The following LRRC61 variants were observed in gnomAD, a reference collection of about 807,000 sequenced individuals.
The protein encoded by LRRC61 is leucine rich repeat containing 61, also known as leucine-rich repeat-containing protein 61.
LRRC61 carries 9 observed loss-of-function variants against 15.1 expected under a neutral mutation model. That is an observed-to-expected ratio of 0.60 (90% CI 0.36 to 1.04). The LOEUF (loss-of-function observed/expected upper bound fraction) is 1.04, where lower values mean the gene tolerates loss of function less well. Among genes scored for constraint, LRRC61 ranks in the 50% least tolerant of loss-of-function variants. The pLI is 0.01. For missense variants in LRRC61, 344 were observed against 335.6 expected (o/e 1.03, Z -0.20); for synonymous variants, 173 against 158.6 (o/e 1.09, Z -0.68).
rs1302420325 is a variant in LRRC61, at chr7:150,333,810, A to G, written c.-144-2908A>G. The G allele has an allele frequency of 8.1e-6, 6 of 741,896 alleles. No homozygotes were observed. Among genetic ancestry groups the G allele is most frequent in the Non-Finnish European group, 9.9e-6 (6 of 608,156 alleles). 46.0% of individuals were successfully genotyped at this position (741,896 alleles called of 1,614,324 possible). A position where few individuals can be genotyped will look rare whatever the true frequency, so the allele number is the denominator to read the frequency against. Reference sequence around the variant, plus strand: ...TGTGTCTGCGGGCAGCCTGATGGTTAGTTGGGTCTGCACAGGTGGGCGCCG... The same window carrying G: ...TGTGTCTGCGGGCAGCCTGATGGTTGGTTGGGTCTGCACAGGTGGGCGCCG... On this transcript the variant is annotated intron_variant, in intron 2 of 2. Transcript: ENST00000359623. This position sits in a 1 kb window ranked among gnomAD's most constrained non-coding sequence, Gnocchi z 4.3.
chr7:150,317,987 G>A, the LRRC61 span, among the ~76,000 whole-genome samples: 1 of 152,184 alleles, frequency 6.6e-6, no homozygotes, highest in African/African-American at 2.4e-5. Context: ...ATAGGACAGG[G>A]CTTGTTTTAG....
chr7:150,322,619 C>A (rs930799381), upstream of LRRC61: 3 of 152,256 alleles, frequency 2.0e-5, no homozygotes, highest in Non-Finnish European at 2.9e-5. Context: ...AATAATTCAA[C>A]CCTTGTTTAG....
rs766420266 is a variant in LRRC61, at chr7:150,337,432, C to T, written c.571C>T (p.Pro191Ser). 6.2e-7 allele frequency: 1 copy of T among 1,604,888 alleles called. No homozygotes were observed. The highest frequency in any genetic ancestry group is 8.5e-7 in the Non-Finnish European group (1 of 1,179,902). ...SSLRPSSSPG[P>S]RATEAQPWVE... Reference sequence around the variant, plus strand: ...CTTGCGTCCCAGCTCCAGTCCAGGCCCCAGAGCCACCGAGGCCCAGCCCTG... The same window carrying T: ...CTTGCGTCCCAGCTCCAGTCCAGGCTCCAGAGCCACCGAGGCCCAGCCCTG... Residue 191 changes from proline (P) to serine (S), a missense_variant, in exon 3 of 3, where the codon CCC becomes TCC. Physicochemically the swap from Pro to Ser is moderately conservative, Grantham distance 74 (BLOSUM62 -1). Coordinates refer to ENST00000359623, the MANE Select transcript of LRRC61 (RefSeq NM_001142928.2).
At chr7:150,309,630 G>C in the LRRC61 span, among the ~76,000 whole-genome samples, 1 of 152,178 alleles carries the variant, frequency 6.6e-6, no homozygotes, top group Non-Finnish European at 1.5e-5. Context: ...TGATTCAAGT[G>C]CCGCAAAACT....
At position 150,338,053 on chromosome 7, in the gene LRRC61, A is replaced by C; in HGVS notation, c.*412A>C. 7.0e-6 allele frequency: 3 copies of C among 426,250 alleles called. No individual in the cohort carries two copies. The highest frequency in any genetic ancestry group is 1.3e-5 in the Non-Finnish European group (3 of 225,438). 26.4% of individuals were successfully genotyped at this position (426,250 alleles called of 1,614,324 possible). ...TGGAAGTGGGACTCCCCTGCCTTGC[A>C]AATGTGCCTCTCCAGACTGCTCCTG... On this transcript the variant is annotated 3_prime_UTR_variant, in exon 3 of 3. Transcript: ENST00000359623.
At chr7:150,320,255 G>A (rs1303314499), upstream of LRRC61, among the ~76,000 whole-genome samples, 1 of 152,208 alleles carries the variant, frequency 6.6e-6, no homozygotes, top group Non-Finnish European at 1.5e-5. Flanking sequence ...TTAGAGTAGG[G>A]TATCCTCAGG....
At chr7:150,310,965 T>C in the LRRC61 span, among the ~76,000 whole-genome samples, 5,549 of 152,232 alleles carry the variant, frequency 0.036, 329 homozygotes, top group African/African-American at 0.13. Flanking sequence ...TCAACATACA[T>C]GCGCTCTTCC....
intron 2 of LRRC61, chr7:150,332,214 G>A (rs1267543815): frequency 6.0e-6 from 1 of 167,146 alleles, no homozygotes; most frequent in South Asian, 2.1e-4. Flanking sequence ...GTTCCTTTAG[G>A]GCAGAGCTGA....
At chr7:150,314,264 C>A in the LRRC61 span, among the ~76,000 whole-genome samples, 1 of 152,196 alleles carries the variant, frequency 6.6e-6, no homozygotes, top group Non-Finnish European at 1.5e-5. Flanking sequence ...CAGCCTTGTT[C>A]CTGGATTTAA....
chr7:150,310,632 C>T, the LRRC61 span, among the ~76,000 whole-genome samples: 25 of 152,198 alleles, frequency 1.6e-4, no homozygotes, highest in African/African-American at 4.6e-4. Context: ...TTGCATCCCT[C>T]CTCCCAACCT....
rs549907418 is a variant in LRRC61, at chr7:150,330,609, G to A, written c.-145+4599G>A. ...TCAGCTCAACAAGCTCTTCTACCGC[G>A]AGGAGTTTGTGCTGGCCACCTTGCT... On this transcript the variant is annotated intron_variant, in intron 2 of 2. Coordinates refer to ENST00000359623, the MANE Select transcript of LRRC61 (RefSeq NM_001142928.2). The surrounding 1 kb of genome is among the most constrained non-coding windows in gnomAD (Gnocchi z 4.6). 68 of 827,194 alleles carry A rather than the reference G, an allele frequency of 8.2e-5. No homozygotes were observed. Among genetic ancestry groups the A allele is most frequent in the Middle Eastern group, 6.6e-4 (3 of 4,522 alleles). The allele number at this position is 827,194 out of a possible 1,614,324, so 51.2% of individuals were successfully genotyped here.
chr7:150,318,052 C>T, the LRRC61 span, among the ~76,000 whole-genome samples: 1,057 of 152,100 alleles, frequency 6.9e-3, 13 homozygotes, highest in African/African-American at 0.024. Flanking sequence ...GGGATGATGT[C>T]GGGAAGTAGG....
In LRRC61 at chr7:150,338,119, G is replaced by T; in HGVS notation, c.*478G>T. On this transcript the variant is annotated 3_prime_UTR_variant, in exon 3 of 3. Coordinates refer to ENST00000359623, the MANE Select transcript of LRRC61 (RefSeq NM_001142928.2). Reference sequence around the variant, plus strand: ...CGCAGCACCTTCTCTGCCCGTTCTTGTCCACACATCTATTAAATGCTTCTG... The same window carrying T: ...CGCAGCACCTTCTCTGCCCGTTCTTTTCCACACATCTATTAAATGCTTCTG... 1.6e-6 allele frequency: 1 copy of T among 627,398 alleles called. No individual in the cohort carries two copies. Among genetic ancestry groups the T allele is most frequent in the Non-Finnish European group, 2.5e-6 (1 of 407,788 alleles). 38.9% of individuals were successfully genotyped at this position (627,398 alleles called of 1,614,324 possible).
intron 2 of LRRC61, chr7:150,331,815 C>T (rs1798116318): frequency 6.0e-6 from 1 of 167,086 alleles, no homozygotes. Flanking sequence ...CTGAGGCTTT[C>T]ACTGTAGGGA....
Position 150,330,531 on chromosome 7 carries a change from G to A in LRRC61, c.-145+4521G>A. The A allele has an allele frequency of 2.6e-6, 2 of 777,914 alleles. No homozygotes were observed. The highest frequency in any genetic ancestry group is 4.8e-6 in the Non-Finnish European group (2 of 416,452). The allele number at this position is 777,914 out of a possible 1,614,324, so 48.2% of individuals were successfully genotyped here. Reference sequence around the variant, plus strand: ...TCAGGAGCAGAGTGTCGGGGAGAGGGGCGCAGCCATCCAGCTGGCTGAGGG... The same window carrying A: ...TCAGGAGCAGAGTGTCGGGGAGAGGAGCGCAGCCATCCAGCTGGCTGAGGG... On this transcript the variant is annotated intron_variant, in intron 2 of 2. Transcript: ENST00000359623. The surrounding 1 kb of genome is among the most constrained non-coding windows in gnomAD (Gnocchi z 4.6).
intron 2 of LRRC61, among the ~76,000 whole-genome samples, chr7:150,336,361 C>T (rs538652400): frequency 7.2e-5 from 11 of 152,184 alleles, no homozygotes; most frequent in South Asian, 2.1e-4. Context: ...TCAAAAATAA[C>T]GGTTTAAAAA....
At chr7:150,316,927 C>T in the LRRC61 span, among the ~76,000 whole-genome samples, 1 of 151,976 alleles carries the variant, frequency 6.6e-6, no homozygotes, top group Non-Finnish European at 1.5e-5. Context: ...TTATTTAGGT[C>T]TTCTTTTTGT....
At chr7:150,311,511 C>T in the LRRC61 span, among the ~76,000 whole-genome samples, 1 of 152,318 alleles carries the variant, frequency 6.6e-6, no homozygotes, top group Admixed American at 6.5e-5. Flanking sequence ...TCGACTCCTC[C>T]AGCTCTATTC....
chr7:150,312,303 A>T, the LRRC61 span, among the ~76,000 whole-genome samples: 1 of 152,214 alleles, frequency 6.6e-6, no homozygotes, highest in Non-Finnish European at 1.5e-5. Flanking sequence ...TCCAGGAGAC[A>T]AAGATTATTT....
Sources: gnomAD v4.1 joint callset for allele counts (sites outside exome capture counted in the v4.1 genomes callset) on GRCh38, gnomAD v4.1.1 for gene constraint, Gnocchi (gnomAD v3.1) non-coding constraint, MANE v1.5 for transcripts, NCBI Gene and HGNC (gene_info 2026-07-23, HGNC 2026-07-21) for gene names.